Variants in SLX4 observed in about 807,000 individuals in gnomAD.
The protein encoded by SLX4 is SLX4 structure-specific endonuclease subunit, also known as structure-specific endonuclease subunit SLX4.
SLX4 carries 112 observed loss-of-function variants against 146.2 expected under a neutral mutation model. The ratio of observed to expected loss-of-function variants is 0.77; its 90% confidence interval spans 0.66 to 0.90. SLX4 has a LOEUF of 0.90. Among genes scored for constraint, SLX4 ranks in the 40% least tolerant of loss-of-function variants. SLX4 has a pLI of 0.00. For synonymous variants in SLX4, 1,061 were observed against 997.7 expected (o/e 1.06, Z -1.20); for missense variants, 2,563 against 2,392.7 (o/e 1.07, Z -1.49).
rs1363417717 is a variant in SLX4, at chr16:3,601,085, A to G, written c.1057T>C (p.Leu353=). 1 of 1,614,050 alleles carries G rather than the reference A, an allele frequency of 6.2e-7. No individual in the cohort carries two copies. Among genetic ancestry groups the G allele is most frequent in the South Asian group, 1.1e-5 (1 of 91,082 alleles). Residue 353 remains leucine (L), a synonymous_variant, in exon 5 of 15, where the codon TTG becomes CTG. Coordinates refer to ENST00000294008, the MANE Select transcript of SLX4 (RefSeq NM_032444.4). The part of the protein sequence containing the change: ...FLTLKSRTSH[L]KQCAVKMEVG... ...TCCATCTTCACAGCACACTGCTTCAAGTGACTGGTTCTGCTCTTTAAGGTA... is the reference window on the plus strand; with the variant it reads ...TCCATCTTCACAGCACACTGCTTCAGGTGACTGGTTCTGCTCTTTAAGGTA...
rs766830918 is a variant in SLX4 at position 3,589,640 on chromosome 16, G to C, written c.3998C>G (p.Ser1333Cys). The C allele has an allele frequency of 6.2e-7, 1 of 1,613,926 alleles. No individual in the cohort carries two copies. The highest frequency in any genetic ancestry group is 1.3e-5 in the African/African-American group (1 of 74,944). The change falls in exon 12 of 15, where the codon TCT (serine) becomes TGT (cysteine). Residue 1333 changes from serine to cysteine, a missense_variant. By Grantham distance (112) the Ser-to-Cys change is moderately radical. Transcript: ENST00000294008. This position sits in a 1 kb window ranked among gnomAD's most constrained non-coding sequence, Gnocchi z 6.2. ...SCLTPVSPGT[S>C]DGRRQGHRSP... ...TCTGTGGCCTTGCCTTCTGCCGTCA[G>C]AAGTTCCTGGAGAGACGGGAGTGAG...
At chr16:3,602,397 G>C (rs2151135159) in intron 3 of SLX4, 90 bp from the exon 4 acceptor site, 1 of 1,482,520 alleles carries the variant, frequency 6.7e-7, no homozygotes, top group South Asian at 1.1e-5. Context: ...GCAGACCATG[G>C]GGAGCAGGTG....
rs2040821508 is a variant in SLX4, at chr16:3,609,183, G to A, written c.-219C>T. The A allele has an allele frequency of 3.9e-6, 2 of 507,630 alleles. No individual in the cohort carries two copies. The highest frequency in any genetic ancestry group is 6.2e-5 in the Admixed American group (2 of 32,180). 31.4% of individuals were successfully genotyped at this position (507,630 alleles called of 1,614,324 possible). On this transcript the variant is annotated 5_prime_UTR_variant, in exon 2 of 15. Transcript: ENST00000294008. The stretch of plus-strand genomic sequence containing the variant: ...CTTTTGGAGGACGAGGCGGGGGGTG[G>A]ATCACCTGAGGTCAGAAGTTCGAGA...
intron 10 of SLX4, among the ~76,000 whole-genome samples, chr16:3,593,553 G>A (rs1567171943): frequency 1.3e-5 from 2 of 152,160 alleles, no homozygotes. Context: ...CCCAGGAAAA[G>A]CATTAGCCAC....
At chr16:3,600,114 CA>C (rs2040709583) in intron 5 of SLX4, among the ~76,000 whole-genome samples, 1 of 152,304 alleles carries the variant, frequency 6.6e-6, no homozygotes, top group Admixed American at 6.5e-5. Context: ...GTTTCAGCAT[CA>C]AAGCATTCCA....
At position 3,606,611 on chromosome 16, in the gene SLX4, A is replaced by G. The variant is rs1330520075; in HGVS notation, c.623T>C (p.Leu208Ser). The G allele has an allele frequency of 1.6e-5, 26 of 1,614,016 alleles. No homozygotes were observed. Among genetic ancestry groups the G allele is most frequent in the African/African-American group, 2.7e-5 (2 of 74,908 alleles). Reference protein sequence around the residue: ...PSPSKPRTAQLVLQRMQQFKR... With the variant: ...PSPSKPRTAQSVLQRMQQFKR... ...GAACTGCTGCATTCGCTGTAGGACC[A>G]ATTGTGCTGTGCGGGGTTTGGAGGG... The change falls in exon 3 of 15, where the codon TTG becomes TCG. Residue 208 changes from leucine (L) to serine (S), a missense_variant. Physicochemically the swap from Leu to Ser is moderately radical, Grantham distance 145 (BLOSUM62 -2). Coordinates refer to ENST00000294008, the MANE Select transcript of SLX4 (RefSeq NM_032444.4).
Position 3,591,185 on chromosome 16 carries a change from A to T in SLX4, c.2453T>A (p.Leu818His). ...CESRAENFQE[L>H]LRSMWADEEE... is the part of the protein sequence containing the mutation. ...TTCATCTGCCCACATTGACCTCAAG[A>T]GTTCCTGGAAATTCTCGGCCCTGCT... The change falls in exon 12 of 15, where the codon CTC becomes CAC. Residue 818 changes from leucine (L) to histidine (H), a missense_variant. Coordinates refer to ENST00000294008, the MANE Select transcript of SLX4 (RefSeq NM_032444.4). 6.2e-7 allele frequency: 1 copy of T among 1,614,160 alleles called. No homozygotes were observed. The highest frequency in any genetic ancestry group is 1.3e-5 in the African/African-American group (1 of 75,050).
At position 3,597,873 on chromosome 16, in the gene SLX4, C is replaced by T. The variant is rs201430172; in HGVS notation, c.1290G>A (p.Ser430=). ...DLLVAMALSR[S]EMEPGAAVPA... ...GTACAGCCGCACCCGGCTCCATCTCCGACCGGGACAGAGCCATGGCCACCA... is the reference window on the plus strand; with the variant it reads ...GTACAGCCGCACCCGGCTCCATCTCTGACCGGGACAGAGCCATGGCCACCA... Residue 430 remains serine, a synonymous_variant, in exon 6 of 15, where the codon TCG becomes TCA. Transcript: ENST00000294008. This position sits in a 1 kb window ranked among gnomAD's most constrained non-coding sequence, Gnocchi z 4.4. 1.1e-5 allele frequency: 18 copies of T among 1,614,122 alleles called. No individual in the cohort carries two copies. Among genetic ancestry groups the T allele is most frequent in the Middle Eastern group, 1.6e-4 (1 of 6,062 alleles).
Position 3,589,245 on chromosome 16 carries a change from G to C in SLX4, c.4393C>G (p.Arg1465Gly). The C allele has an allele frequency of 6.2e-7, 1 of 1,607,024 alleles. No homozygotes were observed. Among genetic ancestry groups the C allele is most frequent in the Non-Finnish European group, 8.5e-7 (1 of 1,175,162 alleles). The stretch of plus-strand genomic sequence containing the variant: ...AGGAGTCCCGGGGAGCGACAGTCAC[G>C]GCTGTCGGCGGCCTCGTTCATCCTG... Reference protein sequence around the residue: ...SRRMNEAADSRDCRSPGLLDT... With the variant: ...SRRMNEAADSGDCRSPGLLDT... The change falls in exon 12 of 15, where the codon CGT (arginine) becomes GGT (glycine). Residue 1465 changes from arginine to glycine, a missense_variant. Arg to Gly is a moderately radical substitution (Grantham distance 125). Coordinates refer to ENST00000294008, the MANE Select transcript of SLX4 (RefSeq NM_032444.4). The surrounding 1 kb of genome is among the most constrained non-coding windows in gnomAD (Gnocchi z 6.2).
chr16:3,600,360 G>A (rs75622243), intron 5 of SLX4, among the ~76,000 whole-genome samples: 7,603 of 152,174 alleles, frequency 0.05, 244 homozygotes, highest in Admixed American at 0.068. Flanking sequence ...GGGGACCCCT[G>A]CACTAGAGGG....
At position 3,582,520 on chromosome 16, in the gene SLX4, A is replaced by G. The variant is rs747442815; in HGVS notation, c.5327T>C (p.Phe1776Ser). ...LYQKVLLYQP[F>S]ELRELQAELR... is the part of the protein sequence containing the mutation. ...CTCTGCCTGCAGCTCCCGCAGCTCA[A>G]AGGGCTGGTACAGCAGCACCTTCTG... is the stretch of plus-strand genomic sequence containing the variant. The change falls in exon 15 of 15, where the codon TTT (phenylalanine) becomes TCT (serine). Residue 1776 changes from phenylalanine to serine, a missense_variant. Phe to Ser is a radical substitution (Grantham distance 155). Transcript: ENST00000294008. 1.2e-6 allele frequency: 2 copies of G among 1,613,882 alleles called. No individual in the cohort carries two copies. Among genetic ancestry groups the G allele is most frequent in the Non-Finnish European group, 1.7e-6 (2 of 1,180,030 alleles).
intron 3 of SLX4, among the ~76,000 whole-genome samples, chr16:3,604,216 CAAAAAA>C (rs1215741550): frequency 4.7e-5 from 3 of 63,796 alleles, no homozygotes; most frequent in South Asian, 5.1e-4. Flanking sequence ...AAGCCTCTGT[CAAAAAA>C]AAAAAAAAAA....
chr16:3,596,226 G>C lies in SLX4; in HGVS notation c.1851C>G (p.Asp617Glu), dbSNP rs754155444. The C allele has an allele frequency of 6.4e-7, 1 of 1,551,376 alleles. No homozygotes were observed. Among genetic ancestry groups the C allele is most frequent in the Middle Eastern group, 1.7e-4 (1 of 5,960 alleles). Residue 617 changes from aspartate (D) to glutamate (E), a missense_variant, in exon 8 of 15, where the codon GAC (aspartate) becomes GAG (glutamate). Coordinates refer to ENST00000294008, the MANE Select transcript of SLX4 (RefSeq NM_032444.4). ...TGGCGCTCAGTCCCTCCCTCGCCAG[G>C]TCCACGAGGTCCTGCAGGGCCTGGT... is the stretch of plus-strand genomic sequence containing the variant. ...REHQALQDLV[D>E]LAREGLSASP...
At position 3,590,072 on chromosome 16, in the gene SLX4, CA is replaced by C; in HGVS notation, c.3565del (p.Cys1189ValfsTer99). ...AACATCAATGATGGAAAACAGCTCA[CA>C]GGACCTAGGGCTAATTTCTAGAGCT... The part of the protein sequence containing the change: ...KKALEISPRS[C>X]ELFSIIDVDA... On this transcript the variant is annotated frameshift_variant, in exon 12 of 15. Transcript: ENST00000294008. LOFTEE classifies it high-confidence loss of function. This position sits in a 1 kb window ranked among gnomAD's most constrained non-coding sequence, Gnocchi z 4.8. 1 of 1,614,226 alleles carries C rather than the reference CA, an allele frequency of 6.2e-7. No homozygotes were observed. The highest frequency in any genetic ancestry group is 8.5e-7 in the Non-Finnish European group (1 of 1,180,046).
chr16:3,591,957 A>G (rs1393427788), intron 11 of SLX4, among the ~76,000 whole-genome samples: 2 of 152,098 alleles, frequency 1.3e-5, no homozygotes, highest in Non-Finnish European at 2.9e-5. Flanking sequence ...GAGTTCAAGA[A>G]CAGCCTGGGC....
intron 7 of SLX4, among the ~76,000 whole-genome samples, chr16:3,596,718 G>A (rs900324667): frequency 3.3e-5 from 5 of 152,180 alleles, no homozygotes; most frequent in Non-Finnish European, 7.3e-5. Context: ...AGGCAGCTGC[G>A]TACTGACTGT....
At chr16:3,596,035 C>T in intron 8 of SLX4, 118 bp downstream of exon 8, 2 of 1,418,464 alleles carry the variant, frequency 1.4e-6, no homozygotes, top group Non-Finnish European at 1.9e-6. Context: ...GCGTGTTCTC[C>T]CACCAGGTCA....
rs776932605 is a variant in SLX4, at chr16:3,590,769, T to A, written c.2869A>T (p.Ser957Cys). The change falls in exon 12 of 15, where the codon AGC becomes TGC. Residue 957 changes from serine to cysteine, a missense_variant. By Grantham distance (112) the Ser-to-Cys change is moderately radical (BLOSUM62 -1). Transcript: ENST00000294008. The surrounding 1 kb of genome is among the most constrained non-coding windows in gnomAD (Gnocchi z 4.8). ...CAGTCCCTGGAAGGGCTGGAGCAGC[T>A]GGAATGGCCAAGCGCCTCCTCTGGC... ...EAPEEALGHS[S>C]CSSPSRDCQA... The A allele has an allele frequency of 1.5e-5, 24 of 1,614,080 alleles. No homozygotes were observed. The South Asian group carries it at 1.9e-4, about 13-fold the overall frequency.
chr16:3,591,204 C>T lies in SLX4; in HGVS notation c.2434G>A (p.Ala812Thr), dbSNP rs2040589792. The T allele has an allele frequency of 6.2e-7, 1 of 1,613,996 alleles. No homozygotes were observed. The highest frequency in any genetic ancestry group is 1.3e-5 in the African/African-American group (1 of 74,942). The change falls in exon 12 of 15, where the codon GCC (alanine) becomes ACC (threonine). Residue 812 changes from alanine to threonine, a missense_variant. Transcript: ENST00000294008. ...EKEAENCESR[A>T]ENFQELLRSM... ...CTCAAGAGTTCCTGGAAATTCTCGG[C>T]CCTGCTTTCGCAATTCTCTGCTTCC... is the stretch of plus-strand genomic sequence containing the variant.
Sources: allele counts gnomAD v4.1 joint callset (sites outside exome capture counted in the v4.1 genomes callset), GRCh38; gene constraint gnomAD v4.1.1; non-coding constraint Gnocchi (gnomAD v3.1); transcripts MANE v1.5; gene names NCBI Gene and HGNC (gene_info 2026-07-23, HGNC 2026-07-21).